AGAP1: variants seen among roughly 807,000 people sequenced by gnomAD.
AGAP1 encodes ArfGAP with GTPase domain, ankyrin repeat and PH domain 1, also known as arf-GAP with GTPase, ANK repeat and PH domain-containing protein 1.
In AGAP1, 29 loss-of-function variants were observed where a neutral mutation model predicts 105.3. That is an observed-to-expected ratio of 0.28 (90% confidence interval 0.21 to 0.38). The LOEUF is 0.38. AGAP1 is among the 10% of genes least tolerant of loss of function. The pLI is 1.00. For missense variants in AGAP1, 998 were observed against 1,165.1 expected (o/e 0.86, Z 2.09); for synonymous variants, 509 against 485.9 (o/e 1.05, Z -0.63).
chr2:235,567,932 G>A (rs1574863086), intron 1 of AGAP1, among the ~76,000 whole-genome samples: 1 of 152,318 alleles, frequency 6.6e-6, no homozygotes, highest in East Asian at 1.9e-4. Flanking sequence ...AGGATGCACT[G>A]GCGCAGAACT....
chr2:235,729,769 T>C lies in AGAP1; in HGVS notation c.311-11194T>C, dbSNP rs1951842297. 6.6e-6 allele frequency among the ~76,000 whole-genome samples: 1 copy of C among 152,088 alleles called. No individual in the cohort carries two copies. Among genetic ancestry groups the C allele is most frequent in the Non-Finnish European group, 1.5e-5 (1 of 68,042 alleles). ...CAGTTAGAAGAGTAAAGTGCATCTGTCAACAAAAGAAATACCAAAGATGAG... is the reference window on the plus strand; with the variant it reads ...CAGTTAGAAGAGTAAAGTGCATCTGCCAACAAAAGAAATACCAAAGATGAG... On this transcript the variant is annotated intron_variant, in intron 3 of 17. Coordinates refer to ENST00000304032, the MANE Select transcript of AGAP1 (RefSeq NM_001037131.3). This position sits in a 1 kb window ranked among gnomAD's most constrained non-coding sequence, Gnocchi z 5.0.
At chr2:235,948,056 G>T (rs965353972) in intron 12 of AGAP1, among the ~76,000 whole-genome samples, 1 of 152,228 alleles carries the variant, frequency 6.6e-6, no homozygotes, top group African/African-American at 2.4e-5. Flanking sequence ...CATGAAGGCC[G>T]TGTGAATGAA....
rs566696195 is a variant in AGAP1 at position 235,997,235 on chromosome 2, G to A, written c.1645+28612G>A. On this transcript the variant is annotated intron_variant, in intron 13 of 17. Coordinates refer to ENST00000304032, the MANE Select transcript of AGAP1 (RefSeq NM_001037131.3). ...CTCCCGAGCAACTGGGATTACAGGC[G>A]TGCACCACCACGCCTAGCTAATTTT... is the stretch of plus-strand genomic sequence containing the variant. Among the ~76,000 whole-genome samples, 23 of 152,184 alleles carry A rather than the reference G, an allele frequency of 1.5e-4. No homozygotes were observed. The South Asian group carries it at 2.7e-3, about 18-fold the overall frequency.
At position 235,739,226 on chromosome 2, in the gene AGAP1, C is replaced by T. The variant is rs1434217782; in HGVS notation, c.311-1737C>T. On this transcript the variant is annotated intron_variant, in intron 3 of 17. Coordinates refer to ENST00000304032, the MANE Select transcript of AGAP1 (RefSeq NM_001037131.3). The surrounding 1 kb of genome is among the most constrained non-coding windows in gnomAD (Gnocchi z 5.3). Reference sequence around the variant, plus strand: ...GAGCCAGGGTTCAGGCAGAGCTAGGCCAGTATCGGGGTCTGGGGGCGACCG... The same window carrying T: ...GAGCCAGGGTTCAGGCAGAGCTAGGTCAGTATCGGGGTCTGGGGGCGACCG... 6.6e-6 allele frequency among the ~76,000 whole-genome samples: 1 copy of T among 152,244 alleles called. No homozygotes were observed. The highest frequency in any genetic ancestry group is 2.4e-5 in the African/African-American group (1 of 41,456).
intron 1 of AGAP1, among the ~76,000 whole-genome samples, chr2:235,501,463 G>A (rs1275520340): frequency 6.6e-6 from 1 of 152,178 alleles, no homozygotes; most frequent in Non-Finnish European, 1.5e-5. Context: ...AAAGACAGGA[G>A]CTAGATGTTA....
chr2:235,819,991 C>T (rs1559526745), intron 9 of AGAP1, among the ~76,000 whole-genome samples: 1 of 151,020 alleles, frequency 6.6e-6, no homozygotes, highest in Non-Finnish European at 1.5e-5. Flanking sequence ...GCAACCTCCG[C>T]CTCCCAGGTT....
chr2:235,944,875 C>T (rs1486422460), intron 12 of AGAP1, among the ~76,000 whole-genome samples: 1 of 152,158 alleles, frequency 6.6e-6, no homozygotes, highest in Non-Finnish European at 1.5e-5. Context: ...TCATCCTACA[C>T]CACCTTCTGA....
Position 236,113,612 on chromosome 2 carries a change from G to A in AGAP1, c.2115-6580G>A, listed in dbSNP as rs1340514710. Reference sequence around the variant, plus strand: ...ATGGCAGGCACTAAGTATGCGGGTAGCAGGTGGGGAGTGTCCAAGAGAATT... The same window carrying A: ...ATGGCAGGCACTAAGTATGCGGGTAACAGGTGGGGAGTGTCCAAGAGAATT... On this transcript the variant is annotated intron_variant, in intron 16 of 17. Transcript: ENST00000304032. The surrounding 1 kb of genome is among the most constrained non-coding windows in gnomAD (Gnocchi z 4.3). Among the ~76,000 whole-genome samples the A allele has an allele frequency of 6.6e-6, 1 of 152,198 alleles. No individual in the cohort carries two copies. The highest frequency in any genetic ancestry group is 1.5e-5 in the Non-Finnish European group (1 of 68,038).
In AGAP1 at chr2:236,002,725, C is replaced by T. The variant is rs1230843045; in HGVS notation, c.1646-33836C>T. ...GGACTGTGAGAGTCCCCCTGAAAAG[C>T]GAGATTTCATAGAAGTATTGAATTT... is the stretch of plus-strand genomic sequence containing the variant. On this transcript the variant is annotated intron_variant, in intron 13 of 17. Coordinates refer to ENST00000304032, the MANE Select transcript of AGAP1 (RefSeq NM_001037131.3). The surrounding 1 kb of genome is among the most constrained non-coding windows in gnomAD (Gnocchi z 4.3). Among the ~76,000 whole-genome samples the T allele has an allele frequency of 1.3e-5, 2 of 151,894 alleles. No individual in the cohort carries two copies. The highest frequency in any genetic ancestry group is 2.9e-5 in the Non-Finnish European group (2 of 68,006).
chr2:235,585,585 T>G (rs766506038), intron 1 of AGAP1, among the ~76,000 whole-genome samples: 1 of 152,222 alleles, frequency 6.6e-6, no homozygotes, highest in Non-Finnish European at 1.5e-5. Flanking sequence ...ATTTTGTCTC[T>G]TTGAGTTCTA....
chr2:236,073,698 T>G lies in AGAP1; in HGVS notation c.2114+24417T>G, dbSNP rs2058563097. On this transcript the variant is annotated intron_variant, in intron 16 of 17. Coordinates refer to ENST00000304032, the MANE Select transcript of AGAP1 (RefSeq NM_001037131.3). This position sits in a 1 kb window ranked among gnomAD's most constrained non-coding sequence, Gnocchi z 5.4. ...GGGCCCACCACAGCAACTTTGAGCT[T>G]AGATGCCACTTAACCTTTTGTAACT... Among the ~76,000 whole-genome samples, 1 of 152,196 alleles carries G rather than the reference T, an allele frequency of 6.6e-6. No individual in the cohort carries two copies. The highest frequency in any genetic ancestry group is 2.4e-5 in the African/African-American group (1 of 41,448).
At position 235,732,642 on chromosome 2, in the gene AGAP1, A is replaced by T. The variant is rs1054184711; in HGVS notation, c.311-8321A>T. On this transcript the variant is annotated intron_variant, in intron 3 of 17. Coordinates refer to ENST00000304032, the MANE Select transcript of AGAP1 (RefSeq NM_001037131.3). This position sits in a 1 kb window ranked among gnomAD's most constrained non-coding sequence, Gnocchi z 4.8. ...ATTTTCCCTGCTGGGGAGCCTTTGC[A>T]TAATGTCCCCAGCCCTGCTCTTCAG... Among the ~76,000 whole-genome samples the T allele has an allele frequency of 6.6e-6, 1 of 151,904 alleles. No individual in the cohort carries two copies. Among genetic ancestry groups the T allele is most frequent in the Non-Finnish European group, 1.5e-5 (1 of 67,986 alleles).
At chr2:235,757,724 G>A (rs1954049296) in intron 6 of AGAP1, among the ~76,000 whole-genome samples, 1 of 152,184 alleles carries the variant, frequency 6.6e-6, no homozygotes, top group African/African-American at 2.4e-5. Context: ...AAGTCAGGGA[G>A]CCTCGGTGTG....
At chr2:235,511,696 A>C (rs1028866247) in intron 1 of AGAP1, among the ~76,000 whole-genome samples, 29 of 152,176 alleles carry the variant, frequency 1.9e-4, no homozygotes, top group Non-Finnish European at 3.4e-4. Context: ...CATTCAAGAG[A>C]GTTCCCCTGG....
intron 11 of AGAP1, among the ~76,000 whole-genome samples, chr2:235,915,478 CGATT>C (rs60969959): frequency 0.78 from 117,657 of 151,746 alleles, 45,718 homozygotes; most frequent in East Asian, 0.98. Flanking sequence ...AGTTCAAGAC[CGATT>C]AATCTAGGCA....
At chr2:235,759,309 C>T (rs1356559189) in intron 6 of AGAP1, among the ~76,000 whole-genome samples, 3 of 151,956 alleles carry the variant, frequency 2.0e-5, no homozygotes, top group Non-Finnish European at 4.4e-5. Context: ...GCTGGGACTA[C>T]AGGCGCCTGC....
At position 235,633,587 on chromosome 2, in the gene AGAP1, C is replaced by T. The variant is rs2149292013; in HGVS notation, c.164-75592C>T. Among the ~76,000 whole-genome samples the T allele has an allele frequency of 6.6e-6, 1 of 152,200 alleles. No homozygotes were observed. The highest frequency in any genetic ancestry group is 2.4e-5 in the African/African-American group (1 of 41,504). ...CAGCCTGGGTGACAAGAGCAAGACT[C>T]TGTCTTAAAAATAAAAGAGCTTGAG... On this transcript the variant is annotated intron_variant, in intron 1 of 17. Coordinates refer to ENST00000304032, the MANE Select transcript of AGAP1 (RefSeq NM_001037131.3). The surrounding 1 kb of genome is among the most constrained non-coding windows in gnomAD (Gnocchi z 4.8).
At chr2:235,584,190 C>G (rs1341553688) in intron 1 of AGAP1, among the ~76,000 whole-genome samples, 1 of 132,150 alleles carries the variant, frequency 7.6e-6, no homozygotes, top group African/African-American at 2.8e-5. Context: ...CCTCAATAAA[C>G]CACTTTTTTT....
At chr2:235,703,977 A>T (rs1270121604) in intron 1 of AGAP1, among the ~76,000 whole-genome samples, 2 of 152,172 alleles carry the variant, frequency 1.3e-5, no homozygotes, top group African/African-American at 4.8e-5. Flanking sequence ...GCGCCCGACC[A>T]GAAATGCTTC....
Sources: allele counts gnomAD v4.1 joint callset (sites outside exome capture counted in the v4.1 genomes callset), GRCh38; gene constraint gnomAD v4.1.1; non-coding constraint Gnocchi (gnomAD v3.1); transcripts MANE v1.5; gene names NCBI Gene and HGNC (gene_info 2026-07-23, HGNC 2026-07-21).